Variants in UQCRB observed in about 807,000 individuals in gnomAD.
UQCRB encodes ubiquinol-cytochrome c reductase binding protein.
A neutral mutation model predicts 19.8 loss-of-function variants in UQCRB; 12 were observed. The observed-to-expected ratio is 0.61, with a 90% CI of 0.39 to 0.98. UQCRB has a LOEUF of 0.98. UQCRB is among the 50% of genes least tolerant of loss of function. The pLI is 0.00. For missense variants in UQCRB, 142 were observed against 131.8 expected (o/e 1.08, Z -0.38); for synonymous variants, 39 against 42.9 (o/e 0.91, Z 0.35).
chr8:96,233,375 GAATTT>G (rs1366941643), intron 1 of UQCRB, 148 bp from the exon 2 acceptor site: 2 of 631,370 alleles, frequency 3.2e-6, no homozygotes, highest in Admixed American at 3.0e-5. Flanking sequence ...TATACAGCAA[GAATTT>G]AATCAAAAGA....
intron 3 of UQCRB, chr8:96,231,365 G>GA: frequency 6.5e-7 from 1 of 1,542,696 alleles, no homozygotes; most frequent in Non-Finnish European, 8.7e-7. Context: ...AAAAAGAAAT[G>GA]AATGTCCACA....
rs773384857 is a variant in UQCRB, at chr8:96,228,220, G to A, written c.*2835C>T. On this transcript the variant is annotated 3_prime_UTR_variant, in exon 4 of 4. Coordinates refer to ENST00000287022, the MANE Select transcript of UQCRB (RefSeq NM_006294.5). ...AAACATAACTTTCTTCAAGATGTAG[G>A]AAAACTGTATATTCAAAACCAATCT... 2.2e-6 allele frequency: 1 copy of A among 454,058 alleles called. No individual in the cohort carries two copies. Among genetic ancestry groups the A allele is most frequent in the Non-Finnish European group, 4.4e-6 (1 of 226,778 alleles). The allele number at this position is 454,058 out of a possible 1,614,324, so 28.1% of individuals were successfully genotyped here.
In UQCRB at chr8:96,224,940, T is replaced by C. The variant is rs1809502009; in HGVS notation, c.*6115A>G. On this transcript the variant is annotated 3_prime_UTR_variant, in exon 4 of 4. Transcript: ENST00000287022. ...AACTTCCATTTGACAAAACCCACCATGAACAAAGTTGAAAAGGCATCCAAA... is the reference window on the plus strand; with the variant it reads ...AACTTCCATTTGACAAAACCCACCACGAACAAAGTTGAAAAGGCATCCAAA... Among the ~76,000 whole-genome samples the C allele has an allele frequency of 6.6e-6, 1 of 152,124 alleles. No homozygotes were observed. Among genetic ancestry groups the C allele is most frequent in the Non-Finnish European group, 1.5e-5 (1 of 68,012 alleles).
At position 96,231,021 on chromosome 8, in the gene UQCRB, A is replaced by G. The variant is rs760088538; in HGVS notation, c.*34T>C. The G allele has an allele frequency of 7.5e-5, 119 of 1,593,926 alleles. No individual in the cohort carries two copies. The highest frequency in any genetic ancestry group is 8.8e-5 in the South Asian group (8 of 90,622). ...GTTTGTTTCAAGTTTAACCATCTTC[A>G]TAACAGCTGCATCCACAGACTTCAA... On this transcript the variant is annotated 3_prime_UTR_variant, in exon 4 of 4. Transcript: ENST00000287022.
At position 96,235,194 on chromosome 8, in the gene UQCRB, T is replaced by C. The variant is rs533384843; in HGVS notation, c.19+318A>G. 6.5e-5 allele frequency: 34 copies of C among 526,460 alleles called. No homozygotes were observed. In the East Asian group the frequency reaches 1.1e-3, roughly 17 times the overall value. The allele number at this position is 526,460 out of a possible 1,614,324, so 32.6% of individuals were successfully genotyped here. On this transcript the variant is annotated intron_variant, in intron 1 of 3. Transcript: ENST00000287022. ...CGGGTTGAAAGTCATCCACTAGTTA[T>C]CCTCTTGTGCCCTTTAACTTTTCTA... is the stretch of plus-strand genomic sequence containing the variant.
rs971684888 is a variant in UQCRB, at chr8:96,224,957, G to A, written c.*6098C>T. ...ACCCACCATGAACAAAGTTGAAAAG[G>A]CATCCAAAAAACCTCAAATAAAATT... On this transcript the variant is annotated 3_prime_UTR_variant, in exon 4 of 4. Transcript: ENST00000287022. Among the ~76,000 whole-genome samples the A allele has an allele frequency of 8.5e-5, 13 of 152,108 alleles. No individual in the cohort carries two copies. The highest frequency in any genetic ancestry group is 5.9e-4 in the Admixed American group (9 of 15,278).
chr8:96,228,463 G>A lies in UQCRB; in HGVS notation c.*2592C>T, dbSNP rs559174150. On this transcript the variant is annotated 3_prime_UTR_variant, in exon 4 of 4. Transcript: ENST00000287022. ...CACTCAAGGAGGTGACACCCAAGGGGAGTAGATGAACCAGAAACAAGAGTG... is the reference window on the plus strand; with the variant it reads ...CACTCAAGGAGGTGACACCCAAGGGAAGTAGATGAACCAGAAACAAGAGTG... The A allele has an allele frequency of 6.6e-6, 3 of 454,076 alleles. No individual in the cohort carries two copies. Among genetic ancestry groups the A allele is most frequent in the African/African-American group, 6.0e-5 (3 of 50,114 alleles). 28.1% of individuals were successfully genotyped at this position (454,076 alleles called of 1,614,324 possible).
chr8:96,229,894 T>G lies in UQCRB; in HGVS notation c.*1161A>C, dbSNP rs1324031712. On this transcript the variant is annotated 3_prime_UTR_variant, in exon 4 of 4. Transcript: ENST00000287022. ...TACAAACTTTAAATGTAACACAAAT[T>G]CGTTTTTCACACTGTTTTGTTATTT... 4 of 436,694 alleles carry G rather than the reference T, an allele frequency of 9.2e-6. No homozygotes were observed. The highest frequency in any genetic ancestry group is 7.3e-5 in the Admixed American group (3 of 41,144). The allele number at this position is 436,694 out of a possible 1,614,324, so 27.1% of individuals were successfully genotyped here. A position where few individuals can be genotyped will look rare whatever the true frequency, so the allele number is the denominator to read the frequency against.
rs187252341 is a variant in UQCRB at position 96,223,580 on chromosome 8, G to A, written c.*7475C>T. On this transcript the variant is annotated 3_prime_UTR_variant, in exon 4 of 4. Coordinates refer to ENST00000287022, the MANE Select transcript of UQCRB (RefSeq NM_006294.5). Reference sequence around the variant, plus strand: ...AGAAAATAGAAATGTCAAGTGCCTGGGGTTGACAAAGAGCTTCTCTCAGTA... The same window carrying A: ...AGAAAATAGAAATGTCAAGTGCCTGAGGTTGACAAAGAGCTTCTCTCAGTA... Among the ~76,000 whole-genome samples, 1 of 152,302 alleles carries A rather than the reference G, an allele frequency of 6.6e-6. No homozygotes were observed. The highest frequency in any genetic ancestry group is 1.9e-4 in the East Asian group (1 of 5,188).
At position 96,231,951 on chromosome 8, in the gene UQCRB, T is replaced by C. The variant is rs762685731; in HGVS notation, c.92-11A>G. ...CATCTCGCATTAACCCTATGATAGA[T>C]GACAAAGTTAGATTGCACATGCATC... On this transcript the variant is annotated splice_polypyrimidine_tract_variant and intron_variant, in intron 2 of 3. Transcript: ENST00000287022. The C allele has an allele frequency of 6.2e-7, 1 of 1,611,726 alleles. No individual in the cohort carries two copies. The highest frequency in any genetic ancestry group is 1.1e-5 in the South Asian group (1 of 91,066).
intron 3 of UQCRB, chr8:96,231,516 C>T: frequency 1.3e-6 from 2 of 1,527,364 alleles, no homozygotes; most frequent in Non-Finnish European, 1.8e-6. Flanking sequence ...CAGCAAAGAC[C>T]TGGGAGGCAA....
At chr8:96,232,161 A>G in intron 2 of UQCRB, 2 of 555,546 alleles carry the variant, frequency 3.6e-6, no homozygotes, top group Admixed American at 6.2e-5. Flanking sequence ...ACTTGATATA[A>G]TGGGTTACTT....
rs1032628794 is a variant in UQCRB at position 96,229,498 on chromosome 8, G to A, written c.*1557C>T. ...TAGACGTCTGAACGAATAGACCAGAGTCCTGCAAACGTGATCTTGAAATCA... is the reference window on the plus strand; with the variant it reads ...TAGACGTCTGAACGAATAGACCAGAATCCTGCAAACGTGATCTTGAAATCA... On this transcript the variant is annotated 3_prime_UTR_variant, in exon 4 of 4. Transcript: ENST00000287022. 2.2e-6 allele frequency: 1 copy of A among 453,982 alleles called. No individual in the cohort carries two copies. The highest frequency in any genetic ancestry group is 4.4e-6 in the Non-Finnish European group (1 of 226,808). The allele number at this position is 453,982 out of a possible 1,614,324, so 28.1% of individuals were successfully genotyped here.
chr8:96,232,139 T>C, intron 2 of UQCRB, 199 bp from the exon 3 acceptor site: 1 of 602,094 alleles, frequency 1.7e-6, no homozygotes, highest in Non-Finnish European at 2.9e-6. Context: ...CCATTAAAAG[T>C]AATGAGTTAT....
rs1310280610 is a variant in UQCRB, at chr8:96,227,168, A to G, written c.*3887T>C. The G allele has an allele frequency of 6.6e-6, 3 of 452,786 alleles. No homozygotes were observed. Among genetic ancestry groups the G allele is most frequent in the Non-Finnish European group, 1.3e-5 (3 of 226,176 alleles). 28.0% of individuals were successfully genotyped at this position (452,786 alleles called of 1,614,324 possible). A position where few individuals can be genotyped will look rare whatever the true frequency, so the allele number is the denominator to read the frequency against. ...CAATCATATAAAAGGAAATATGGTC[A>G]TAACTGATTGAAGTAATAAAATCCT... On this transcript the variant is annotated 3_prime_UTR_variant, in exon 4 of 4. Transcript: ENST00000287022.
rs187630651 is a variant in UQCRB, at chr8:96,227,209, C to T, written c.*3846G>A. 3.5e-4 allele frequency: 159 copies of T among 453,428 alleles called. No homozygotes were observed. The highest frequency in any genetic ancestry group is 5.8e-4 in the Non-Finnish European group (132 of 226,500). The allele number at this position is 453,428 out of a possible 1,614,324, so 28.1% of individuals were successfully genotyped here. A position where few individuals can be genotyped will look rare whatever the true frequency, so the allele number is the denominator to read the frequency against. ...ATAAAATCCTGAAACTAAATAACAT[C>T]TCATAATTCATTGCACAACATATAT... On this transcript the variant is annotated 3_prime_UTR_variant, in exon 4 of 4. Coordinates refer to ENST00000287022, the MANE Select transcript of UQCRB (RefSeq NM_006294.5).
At chr8:96,233,358 T>C (rs1029864529) in intron 1 of UQCRB, 131 bp from the exon 2 acceptor site, 1 of 799,270 alleles carries the variant, frequency 1.3e-6, no homozygotes, top group Non-Finnish European at 2.1e-6. Flanking sequence ...TTTAAAAGTA[T>C]ATAGTATATA....
chr8:96,232,506 ACT>A (rs931442778), intron 2 of UQCRB: 46 of 154,184 alleles, frequency 3.0e-4, no homozygotes, highest in Non-Finnish European at 5.0e-4. Context: ...ATATTCAAAA[ACT>A]CTCTACTTTC....
Position 96,223,769 on chromosome 8 carries a change from G to C in UQCRB, c.*7286C>G, listed in dbSNP as rs184688607. 2.2e-4 allele frequency among the ~76,000 whole-genome samples: 33 copies of C among 152,288 alleles called. No homozygotes were observed. The highest frequency in any genetic ancestry group is 7.9e-4 in the African/African-American group (33 of 41,572). On this transcript the variant is annotated 3_prime_UTR_variant, in exon 4 of 4. Transcript: ENST00000287022. ...GAGGGAGTTAAAACAGGAGGAAAGAGAACACAATGTTTTCAGAATGGACAA... is the reference window on the plus strand; with the variant it reads ...GAGGGAGTTAAAACAGGAGGAAAGACAACACAATGTTTTCAGAATGGACAA...
Sources: gnomAD v4.1 joint callset for allele counts (sites outside exome capture counted in the v4.1 genomes callset) on GRCh38, gnomAD v4.1.1 for gene constraint, MANE v1.5 for transcripts, NCBI Gene and HGNC (gene_info 2026-07-23, HGNC 2026-07-21) for gene names.